Variants in RBFOX3 observed in about 807,000 individuals in gnomAD.
RBFOX3 encodes RNA binding fox-1 homolog 3.
RBFOX3 carries 17 observed loss-of-function variants against 48.7 expected under a neutral mutation model. The observed-to-expected ratio is 0.35, with a 90% CI of 0.24 to 0.52. The LOEUF (loss-of-function observed/expected upper bound fraction) is 0.52, where lower values mean the gene tolerates loss of function less well. Among genes scored for constraint, RBFOX3 ranks in the 20% least tolerant of loss-of-function variants. The pLI is 0.94. For synonymous variants in RBFOX3, 212 were observed against 209.5 expected (o/e 1.01, Z -0.10); for missense variants, 382 against 497.5 (o/e 0.77, Z 2.21).
At chr17:79,285,977 C>T (rs939515515) in intron 3 of RBFOX3, among the ~76,000 whole-genome samples, 5 of 152,212 alleles carry the variant, frequency 3.3e-5, no homozygotes, top group Admixed American at 3.3e-4. Context: ...GCCACTGCAC[C>T]CGGCCTGTGC....
intron 4 of RBFOX3, among the ~76,000 whole-genome samples, chr17:79,226,521 C>T (rs902856412): frequency 1.3e-5 from 2 of 152,184 alleles, no homozygotes; most frequent in Non-Finnish European, 2.9e-5. Context: ...GTCAAGAGAA[C>T]GCATGGGGTC....
chr17:79,272,872 G>C (rs1263036763), intron 3 of RBFOX3, among the ~76,000 whole-genome samples: 3 of 152,094 alleles, frequency 2.0e-5, no homozygotes, highest in Non-Finnish European at 4.4e-5. Flanking sequence ...TTGTCTTCCC[G>C]ATGTGCCAGC....
chr17:79,620,124 TAC>T, the RBFOX3 span, among the ~76,000 whole-genome samples: 7 of 111,742 alleles, frequency 6.3e-5, no homozygotes, highest in African/African-American at 1.6e-4. Flanking sequence ...TATGCACACA[TAC>T]ACACATGCAC....
chr17:79,523,665 G>A (rs1441930700), intron 1 of RBFOX3, among the ~76,000 whole-genome samples: 6 of 152,174 alleles, frequency 3.9e-5, no homozygotes, highest in African/African-American at 1.2e-4. Context: ...AGGTGAACAC[G>A]CAGCTGCCAG....
intron 3 of RBFOX3, among the ~76,000 whole-genome samples, chr17:79,298,735 C>G (rs2074819274): frequency 6.6e-6 from 1 of 152,214 alleles, no homozygotes; most frequent in Non-Finnish European, 1.5e-5. Context: ...GGGGTCCTAC[C>G]TCTTGACACT....
intron 3 of RBFOX3, among the ~76,000 whole-genome samples, chr17:79,277,783 G>A (rs149139891): frequency 6.6e-6 from 1 of 152,366 alleles, no homozygotes; most frequent in African/African-American, 2.4e-5. Context: ...AGCAGAGGAT[G>A]GGGCAAGCCA....
intron 2 of RBFOX3, among the ~76,000 whole-genome samples, chr17:79,380,920 C>G (rs2059829408): frequency 6.6e-6 from 1 of 152,162 alleles, no homozygotes; most frequent in African/African-American, 2.4e-5. Flanking sequence ...CGTGGAAATG[C>G]AAGGGAGCCA....
intron 2 of RBFOX3, among the ~76,000 whole-genome samples, chr17:79,406,491 C>G (rs761426436): frequency 2.6e-5 from 4 of 152,202 alleles, no homozygotes; most frequent in Non-Finnish European, 5.9e-5. Context: ...TGAGGCCTCT[C>G]CATTGCCTGG....
In RBFOX3 at chr17:79,381,310, T is replaced by G. The variant is rs557380813; in HGVS notation, c.-174-73486A>C. On this transcript the variant is annotated intron_variant, in intron 2 of 14. Transcript: ENST00000693108. ...ACACGTGAGATTCATGTTAATTTTT[T>G]TCACTTAACCTGATACATTCTAAAC... Among the ~76,000 whole-genome samples, 17 of 152,306 alleles carry G rather than the reference T, an allele frequency of 1.1e-4. No homozygotes were observed. In the East Asian group the frequency reaches 3.1e-3, roughly 28 times the overall value.
At chr17:79,129,240 T>A (rs1219496721) in intron 4 of RBFOX3, among the ~76,000 whole-genome samples, 5 of 152,188 alleles carry the variant, frequency 3.3e-5, no homozygotes, top group Non-Finnish European at 7.4e-5. Context: ...TAATCTTCAA[T>A]GCGCTAAACT....
At chr17:79,487,329 G>A (rs368404948) in intron 1 of RBFOX3, among the ~76,000 whole-genome samples, 4 of 152,348 alleles carry the variant, frequency 2.6e-5, no homozygotes, top group Admixed American at 6.5e-5. Context: ...TGGCCCCGAC[G>A]ACCTTGGACT....
At chr17:79,603,070 A>G (rs35378639) in intron 1 of RBFOX3, among the ~76,000 whole-genome samples, 118,823 of 149,602 alleles carry the variant, frequency 0.79, 50,776 homozygotes, top group Non-Finnish European at 0.97. Flanking sequence ...GGCTCACTGC[A>G]ACCTCCACCT....
chr17:79,222,252 C>T (rs1353766708), intron 4 of RBFOX3, among the ~76,000 whole-genome samples: 1 of 151,486 alleles, frequency 6.6e-6, no homozygotes, highest in Non-Finnish European at 1.5e-5. Flanking sequence ...CCCTGGGGAT[C>T]CAACACTTTG....
chr17:79,173,374 T>A (rs952470912), intron 4 of RBFOX3, among the ~76,000 whole-genome samples: 1 of 152,200 alleles, frequency 6.6e-6, no homozygotes, highest in African/African-American at 2.4e-5. Context: ...TTACACCTCA[T>A]GAGACAGCTC....
intron 3 of RBFOX3, among the ~76,000 whole-genome samples, chr17:79,276,079 A>G (rs959752898): frequency 7.2e-5 from 11 of 152,214 alleles, no homozygotes; most frequent in African/African-American, 2.7e-4. Flanking sequence ...TGCACCGTGG[A>G]TGAACCCTGA....
chr17:79,543,702 C>T (rs1348226145), intron 1 of RBFOX3, among the ~76,000 whole-genome samples: 7 of 152,328 alleles, frequency 4.6e-5, no homozygotes, highest in African/African-American at 1.7e-4. Context: ...CACGTTCCAA[C>T]CCCGCGGTCT....
intron 1 of RBFOX3, among the ~76,000 whole-genome samples, chr17:79,499,271 C>T (rs2082064456): frequency 1.3e-5 from 2 of 152,048 alleles, no homozygotes; most frequent in Admixed American, 6.6e-5. Flanking sequence ...CATCCAACCA[C>T]CCACCCATCT....
At chr17:79,131,513 G>A (rs1347732066) in intron 4 of RBFOX3, among the ~76,000 whole-genome samples, 2 of 152,288 alleles carry the variant, frequency 1.3e-5, no homozygotes, top group Admixed American at 6.5e-5. Flanking sequence ...CCTGTTAAGC[G>A]TCGCCACTCC....
intron 3 of RBFOX3, among the ~76,000 whole-genome samples, chr17:79,300,815 G>A (rs929311434): frequency 1.3e-5 from 2 of 152,212 alleles, no homozygotes; most frequent in African/African-American, 4.8e-5. Flanking sequence ...ACCTGGGGCT[G>A]CACTTGTATT....
Sources: gnomAD v4.1 joint callset for allele counts (sites outside exome capture counted in the v4.1 genomes callset) on GRCh38, gnomAD v4.1.1 for gene constraint, MANE v1.5 for transcripts, NCBI Gene and HGNC (gene_info 2026-07-23, HGNC 2026-07-21) for gene names.